The following SLC11A2 variants were observed in gnomAD, a reference collection of about 807,000 sequenced individuals.
SLC11A2 encodes solute carrier family 11 member 2, also known as natural resistance-associated macrophage protein 2.
SLC11A2 carries 38 observed loss-of-function variants against 68.0 expected under a neutral mutation model. The ratio of observed to expected loss-of-function variants is 0.56; its 90% CI spans 0.43 to 0.73. SLC11A2 has a LOEUF of 0.73. SLC11A2 is among the 30% of genes least tolerant of loss of function. The pLI is 0.00. For missense variants in SLC11A2, 517 were observed against 690.5 expected (o/e 0.75, Z 2.82); for synonymous variants, 242 against 250.6 (o/e 0.97, Z 0.32).
At position 51,009,201 on chromosome 12, in the gene SLC11A2, A is replaced by G. The variant is rs1281778001; in HGVS notation, c.35-577T>C. On this transcript the variant is annotated intron_variant, in intron 2 of 15. Transcript: ENST00000262052. ...ACAAAATCCTGCCACAGTTCAGGCT[A>G]AACTCTGAAGCTGCAGCAAAACCAC... 2.7e-6 allele frequency: 4 copies of G among 1,460,080 alleles called. No homozygotes were observed. In the South Asian group the frequency reaches 4.2e-5, roughly 15 times the overall value. 90.4% of individuals were successfully genotyped at this position (1,460,080 alleles called of 1,614,324 possible). A position where few individuals can be genotyped will look rare whatever the true frequency, so the allele number is the denominator to read the frequency against.
At chr12:51,024,142 A>G (rs1944228756) in intron 1 of SLC11A2, among the ~76,000 whole-genome samples, 1 of 152,216 alleles carries the variant, frequency 6.6e-6, no homozygotes, top group African/African-American at 2.4e-5. Flanking sequence ...TTTTCTGACT[A>G]GTTCCTAATA....
At chr12:50,974,972 GC>G (rs972748975), downstream of SLC11A2, among the ~76,000 whole-genome samples, 1 of 152,170 alleles carries the variant, frequency 6.6e-6, no homozygotes, top group Non-Finnish European at 1.5e-5. Flanking sequence ...CAATATAGGA[GC>G]ACCCAGATTC....
the SLC11A2 span, among the ~76,000 whole-genome samples, chr12:50,964,385 T>A: frequency 6.6e-6 from 1 of 152,258 alleles, no homozygotes; most frequent in East Asian, 1.9e-4. Context: ...CCTGGATTAT[T>A]AGGCATCCTG....
the SLC11A2 span, among the ~76,000 whole-genome samples, chr12:50,968,604 C>T: frequency 1.3e-5 from 2 of 151,992 alleles, no homozygotes; most frequent in East Asian, 1.9e-4. Context: ...GGCTGGAGTG[C>T]AATCTCAGCT....
In SLC11A2 at chr12:50,986,884, G is replaced by C. The variant is rs1940625198; in HGVS notation, c.*1441C>G. The stretch of plus-strand genomic sequence containing the variant: ...AAGTATCAGTAATAATGCTTTTGGG[G>C]GCTCAGATGAACAGCGAACACCAAT... On this transcript the variant is annotated 3_prime_UTR_variant, in exon 16 of 16. Transcript: ENST00000262052. The C allele has an allele frequency of 3.1e-6, 4 of 1,286,972 alleles. No individual in the cohort carries two copies. The highest frequency in any genetic ancestry group is 3.0e-6 in the Non-Finnish European group (3 of 988,694). 79.7% of individuals were successfully genotyped at this position (1,286,972 alleles called of 1,614,324 possible).
chr12:50,994,735 G>A, intron 10 of SLC11A2, 105 bp from the exon 11 acceptor site: 1 of 751,960 alleles, frequency 1.3e-6, no homozygotes, highest in South Asian at 1.4e-5. Flanking sequence ...GTAGGCTGGA[G>A]GGAAAACACT....
At chr12:50,994,918 G>T (rs1346521213) in intron 10 of SLC11A2, 1 of 408,636 alleles carries the variant, frequency 2.4e-6, no homozygotes, top group Admixed American at 3.8e-5. Flanking sequence ...AGGCTCTGAA[G>T]AAGGCTTCAG....
At chr12:50,972,889 G>T in the SLC11A2 span, among the ~76,000 whole-genome samples, 1 of 152,200 alleles carries the variant, frequency 6.6e-6, no homozygotes, top group East Asian at 1.9e-4. Flanking sequence ...GAGCCTCACT[G>T]ATTGCTAGCA....
At chr12:50,960,091 T>C in the SLC11A2 span, among the ~76,000 whole-genome samples, 1 of 152,244 alleles carries the variant, frequency 6.6e-6, no homozygotes, top group Admixed American at 6.5e-5. Context: ...GTCACAGCAG[T>C]ATATTCACCC....
intron 1 of SLC11A2, among the ~76,000 whole-genome samples, chr12:51,021,264 C>T (rs452587): frequency 0.91 from 138,481 of 152,194 alleles, 63,290 homozygotes; most frequent in East Asian, 0.98. Context: ...CCCCTACAGA[C>T]ACCAAACCAT....
downstream of SLC11A2, chr12:50,980,654 T>G (rs767005953): frequency 1.3e-5 from 2 of 152,220 alleles, no homozygotes; most frequent in Non-Finnish European, 2.9e-5. Context: ...AATCTCATGC[T>G]ACTTGGTATA....
chr12:51,009,295 C>T (rs757762274), intron 2 of SLC11A2: 8 of 1,290,284 alleles, frequency 6.2e-6, no homozygotes, highest in Non-Finnish European at 7.8e-6. Context: ...GGTACTGGCA[C>T]CCTCGTGATG....
intron 1 of SLC11A2, among the ~76,000 whole-genome samples, chr12:51,016,139 G>A (rs1293691436): frequency 6.6e-6 from 1 of 152,116 alleles, no homozygotes; most frequent in Non-Finnish European, 1.5e-5. Context: ...AGTGGCTCAT[G>A]CCTGTAATCC....
At chr12:51,028,111 T>C (rs1944461133), upstream of SLC11A2, 2 of 1,003,900 alleles carry the variant, frequency 2.0e-6, no homozygotes, top group Non-Finnish European at 2.9e-6. Context: ...GAAAATAAAA[T>C]TGCTAGAGCT....
the SLC11A2 span, chr12:50,961,097 C>T: frequency 1.9e-6 from 3 of 1,613,680 alleles, no homozygotes; most frequent in East Asian, 2.2e-5. Context: ...GGAGCTGTGA[C>T]TCTAGGTAAC....
rs780218720 is a variant in SLC11A2 at position 51,010,645 on chromosome 12, T to G, written c.34+50A>C. On this transcript the variant is annotated intron_variant, in intron 2 of 15. Coordinates refer to ENST00000262052, the MANE Select transcript of SLC11A2 (RefSeq NM_000617.3). ...ATATGATAAATTTCTGTTACCAACA[T>G]AAACCTAATTACAAATAAAATTAGA... 2.9e-6 allele frequency: 3 copies of G among 1,028,732 alleles called. No individual in the cohort carries two copies. In the South Asian group the frequency reaches 3.8e-5, roughly 13 times the overall value. 63.7% of individuals were successfully genotyped at this position (1,028,732 alleles called of 1,614,324 possible). A position where few individuals can be genotyped will look rare whatever the true frequency, so the allele number is the denominator to read the frequency against.
Position 50,992,791 on chromosome 12 carries a change from A to G in SLC11A2, c.1197+19T>C. ...CAAAAGGGTTGTGTTATCTCCCTCTATCCTATACCAGCACGTACCTCCATG... is the reference window on the plus strand; with the variant it reads ...CAAAAGGGTTGTGTTATCTCCCTCTGTCCTATACCAGCACGTACCTCCATG... On this transcript the variant is annotated intron_variant, in intron 12 of 15. Coordinates refer to ENST00000262052, the MANE Select transcript of SLC11A2 (RefSeq NM_000617.3). 6.2e-7 allele frequency: 1 copy of G among 1,612,992 alleles called. No homozygotes were observed. The highest frequency in any genetic ancestry group is 1.7e-4 in the Middle Eastern group (1 of 6,024).
At chr12:50,964,942 C>G in the SLC11A2 span, among the ~76,000 whole-genome samples, 3 of 152,184 alleles carry the variant, frequency 2.0e-5, no homozygotes, top group Non-Finnish European at 4.4e-5. Flanking sequence ...TGCCCAAGCT[C>G]AAACTCCTGA....
chr12:50,996,719 G>A (rs985308256), intron 9 of SLC11A2, 98 bp downstream of exon 9: 1 of 1,238,486 alleles, frequency 8.1e-7, no homozygotes, highest in African/African-American at 1.5e-5. Flanking sequence ...GCTCCTTCAT[G>A]GTCCTAATAA....
Sources: allele counts gnomAD v4.1 joint callset (sites outside exome capture counted in the v4.1 genomes callset), GRCh38; gene constraint gnomAD v4.1.1; transcripts MANE v1.5; gene names NCBI Gene and HGNC (gene_info 2026-07-23, HGNC 2026-07-21).